Variants in RORB observed in about 807,000 individuals in gnomAD.
RORB encodes the protein RAR related orphan receptor B.
In RORB, 6 loss-of-function variants were observed where a neutral mutation model predicts 59.1. The ratio of observed to expected loss-of-function variants is 0.10; its 90% confidence interval spans 0.06 to 0.20. The LOEUF is 0.20. Ranked by LOEUF, RORB falls within the 10% of genes least tolerant of loss-of-function variation. RORB has a pLI of 1.00. For missense variants in RORB, 320 were observed against 560.5 expected, an observed-to-expected ratio of 0.57 and a Z score of 4.33; for synonymous variants, 215 against 204.5, an observed-to-expected ratio of 1.05 and a Z score of -0.44.
intron 1 of RORB, among the ~76,000 whole-genome samples, chr9:74,583,403 A>C (rs1349208896): frequency 6.6e-6 from 1 of 152,120 alleles, no homozygotes; most frequent in East Asian, 1.9e-4. Flanking sequence ...ATACTGCTTT[A>C]CATCTCTTTT....
At chr9:74,602,797 A>G (rs548602467) in intron 1 of RORB, among the ~76,000 whole-genome samples, 4 of 152,226 alleles carry the variant, frequency 2.6e-5, no homozygotes, top group Non-Finnish European at 5.9e-5. Flanking sequence ...ATAAATGGTG[A>G]AAATTTTTAA....
At chr9:74,558,023 A>G (rs1822334760) in intron 1 of RORB, among the ~76,000 whole-genome samples, 1 of 152,194 alleles carries the variant, frequency 6.6e-6, no homozygotes, top group South Asian at 2.1e-4. Flanking sequence ...ATGGCCTGTC[A>G]TAGTCCTACC....
At chr9:74,525,586 G>C (rs927333888) in intron 1 of RORB, among the ~76,000 whole-genome samples, 3 of 151,866 alleles carry the variant, frequency 2.0e-5, no homozygotes, top group Admixed American at 6.6e-5. Flanking sequence ...AAGGACAAGA[G>C]GATGTCATGC....
rs35451203 is a variant in RORB at position 74,662,942 on chromosome 9, G to GA, written c.892+348dup. 3.8e-3 allele frequency among the ~76,000 whole-genome samples: 540 copies of GA among 142,774 alleles called. 5 individuals carry two copies. Among genetic ancestry groups the GA allele is most frequent in the Middle Eastern group, 0.035 (10 of 282 alleles). The allele number at this position is 142,774 out of a possible 152,430, so 93.7% of individuals were successfully genotyped here. ...ACGTACTCCTTGCCTTCTGTGAAAG[G>GA]AAAAAAAAAAAATGCAGGCTAGCTG... On this transcript the variant is annotated intron_variant, in intron 6 of 9. Coordinates refer to ENST00000376896, the MANE Select transcript of RORB (RefSeq NM_006914.4).
intron 1 of RORB, among the ~76,000 whole-genome samples, chr9:74,521,804 A>G (rs1319492990): frequency 1.3e-5 from 2 of 151,810 alleles, no homozygotes; most frequent in Non-Finnish European, 1.5e-5. Context: ...AAGCACCAAG[A>G]AAATTGAACC....
chr9:74,619,127 C>A (rs911600081), intron 1 of RORB, among the ~76,000 whole-genome samples: 5 of 152,156 alleles, frequency 3.3e-5, no homozygotes, highest in Admixed American at 6.5e-5. Context: ...AACAAGTAAT[C>A]TGGAATTTTG....
At chr9:74,654,131 A>C (rs1824039749) in intron 4 of RORB, among the ~76,000 whole-genome samples, 2 of 152,208 alleles carry the variant, frequency 1.3e-5, no homozygotes, top group Non-Finnish European at 2.9e-5. Context: ...TCAAAATATT[A>C]TTCTTACACC....
intron 1 of RORB, among the ~76,000 whole-genome samples, chr9:74,557,307 C>G (rs1295791757): frequency 6.6e-6 from 1 of 152,094 alleles, no homozygotes; most frequent in Non-Finnish European, 1.5e-5. Context: ...TACTCCTGCC[C>G]CTCCACAGAC....
At chr9:74,565,471 T>C (rs554911391) in intron 1 of RORB, among the ~76,000 whole-genome samples, 6 of 152,282 alleles carry the variant, frequency 3.9e-5, no homozygotes, top group Non-Finnish European at 8.8e-5. Context: ...CAGCTCTCAT[T>C]TTTGCTGGCA....
chr9:74,634,389 T>C (rs532751907), intron 2 of RORB, among the ~76,000 whole-genome samples: 1 of 152,190 alleles, frequency 6.6e-6, no homozygotes, highest in Non-Finnish European at 1.5e-5. Flanking sequence ...TTAGCAAACA[T>C]TGATTCAAGG....
At chr9:74,591,509 C>T (rs1321617450) in intron 1 of RORB, among the ~76,000 whole-genome samples, 1 of 152,138 alleles carries the variant, frequency 6.6e-6, no homozygotes, top group African/African-American at 2.4e-5. Context: ...CTAAATAAAA[C>T]AAAGCCATAA....
chr9:74,571,185 T>C (rs1016814037), intron 1 of RORB, among the ~76,000 whole-genome samples: 1 of 152,050 alleles, frequency 6.6e-6, no homozygotes, highest in African/African-American at 2.4e-5. Flanking sequence ...TAAATTACTA[T>C]AAGCAAAATT....
chr9:74,642,393 C>T lies in RORB; in HGVS notation c.236-21C>T, dbSNP rs777530411. ...GAATGATAACCACAAGTGCTGTTTT[C>T]TGCTTTTCTCTCCAACCCAGCTGTG... On this transcript the variant is annotated intron_variant, in intron 3 of 9. Coordinates refer to ENST00000376896, the MANE Select transcript of RORB (RefSeq NM_006914.4). The T allele has an allele frequency of 6.9e-6, 11 of 1,586,320 alleles. No individual in the cohort carries two copies. In the African/African-American group the frequency reaches 1.2e-4, roughly 17 times the overall value.
intron 1 of RORB, among the ~76,000 whole-genome samples, chr9:74,537,934 T>C (rs568590955): frequency 1.1e-4 from 16 of 152,098 alleles, no homozygotes; most frequent in Non-Finnish European, 2.1e-4. Flanking sequence ...TAGGCCTTCA[T>C]TCACTCAGCT....
intron 1 of RORB, among the ~76,000 whole-genome samples, chr9:74,503,630 G>T: frequency 6.6e-6 from 1 of 151,948 alleles, no homozygotes; most frequent in East Asian, 1.9e-4. Flanking sequence ...GAGGGAAAGG[G>T]AATCAAAGAA....
At chr9:74,592,138 A>G (rs1285111021) in intron 1 of RORB, among the ~76,000 whole-genome samples, 1 of 152,194 alleles carries the variant, frequency 6.6e-6, no homozygotes, top group Non-Finnish European at 1.5e-5. Flanking sequence ...GGAACCCTCA[A>G]TCCCCTGCTT....
chr9:74,678,254 T>G (rs902956642), intron 9 of RORB, among the ~76,000 whole-genome samples: 1 of 152,174 alleles, frequency 6.6e-6, no homozygotes, highest in African/African-American at 2.4e-5. Context: ...GAACTCTTAA[T>G]GTAAGGCAGC....
intron 4 of RORB, among the ~76,000 whole-genome samples, chr9:74,650,149 G>A: frequency 6.6e-6 from 1 of 152,200 alleles, no homozygotes; most frequent in East Asian, 1.9e-4. Flanking sequence ...TGACTTGGAG[G>A]AGCAGGGAAT....
intron 9 of RORB, among the ~76,000 whole-genome samples, chr9:74,682,488 T>C (rs1390246403): frequency 6.6e-6 from 1 of 151,410 alleles, no homozygotes; most frequent in East Asian, 1.9e-4. Flanking sequence ...CGAGATCACA[T>C]AGCTGTAAAG....
Sources: gnomAD v4.1 joint callset for allele counts (sites outside exome capture counted in the v4.1 genomes callset) on GRCh38, gnomAD v4.1.1 for gene constraint, MANE v1.5 for transcripts, NCBI Gene and HGNC (gene_info 2026-07-23, HGNC 2026-07-21) for gene names.